Variants in UBE2D2 observed in about 807,000 individuals in gnomAD.
UBE2D2 encodes ubiquitin-conjugating enzyme E2 D2.
A neutral mutation model predicts 24.2 loss-of-function variants in UBE2D2; 2 were observed. That is an observed-to-expected ratio of 0.08 (90% CI 0.03 to 0.26). The LOEUF is 0.26. Ranked by LOEUF, UBE2D2 falls within the 10% of genes least tolerant of loss-of-function variation. The pLI, the probability that UBE2D2 is intolerant of heterozygous loss-of-function variation, is 1.00. For synonymous variants in UBE2D2, 58 were observed against 56.5 expected (o/e 1.03, Z -0.12); for missense variants, 44 against 177.6 (o/e 0.25, Z 4.28).
intron 1 of UBE2D2, 129 bp downstream of exon 1, chr5:139,561,944 C>CAG: frequency 7.9e-7 from 1 of 1,264,558 alleles, no homozygotes; most frequent in Non-Finnish European, 1.0e-6. Context: ...CTCGGGGCGG[C>CAG]CTCCATACCC....
At chr5:139,553,751 T>G (rs745987663) in intron 1 of UBE2D2, among the ~76,000 whole-genome samples, 10 of 152,168 alleles carry the variant, frequency 6.6e-5, no homozygotes, top group Non-Finnish European at 1.3e-4. Context: ...CAATAAATCT[T>G]TAATGTTTGG....
chr5:139,532,658 T>C (rs1168747036), intron 1 of UBE2D2, among the ~76,000 whole-genome samples: 1 of 151,876 alleles, frequency 6.6e-6, no homozygotes, highest in African/African-American at 2.4e-5. Context: ...GCCTAGTTTT[T>C]GTATATCTAG....
At chr5:139,533,391 C>T (rs1249329710) in intron 1 of UBE2D2, among the ~76,000 whole-genome samples, 2 of 152,162 alleles carry the variant, frequency 1.3e-5, no homozygotes, top group African/African-American at 4.8e-5. Flanking sequence ...TGGCTCACGC[C>T]TGTAATCCCC....
At chr5:139,591,694 T>A (rs1753849492) in intron 1 of UBE2D2, among the ~76,000 whole-genome samples, 1 of 152,212 alleles carries the variant, frequency 6.6e-6, no homozygotes, top group Non-Finnish European at 1.5e-5. Flanking sequence ...TCATGTAAGT[T>A]AATGAGTTAC....
intron 1 of UBE2D2, among the ~76,000 whole-genome samples, chr5:139,597,542 A>G (rs1753985569): frequency 6.6e-6 from 1 of 152,240 alleles, no homozygotes. Context: ...GATGTTATTC[A>G]GCATGGAAAA....
chr5:139,576,198 A>C (rs1459811770), intron 1 of UBE2D2, among the ~76,000 whole-genome samples: 1 of 152,168 alleles, frequency 6.6e-6, no homozygotes, highest in Non-Finnish European at 1.5e-5. Flanking sequence ...AATTACCACA[A>C]ACCGGGTGGC....
In UBE2D2 at chr5:139,562,235, C is replaced by A. The variant is rs758633629; in HGVS notation, c.24+420C>A. On this transcript the variant is annotated intron_variant, in intron 1 of 6. Transcript: ENST00000398733. ...CCATTTCTGTTCCCTCCTCCCACAC[C>A]TGCCCTAGCTCCCTCCACAAAACCG... The A allele has an allele frequency of 8.0e-6, 11 of 1,367,502 alleles. No homozygotes were observed. The South Asian group carries it at 1.3e-4, about 16-fold the overall frequency. The allele number at this position is 1,367,502 out of a possible 1,614,324, so 84.7% of individuals were successfully genotyped here.
At chr5:139,552,498 T>A (rs1002098615) in intron 1 of UBE2D2, among the ~76,000 whole-genome samples, 1 of 141,600 alleles carries the variant, frequency 7.1e-6, no homozygotes, top group African/African-American at 2.9e-5. Context: ...TTTGTTTCTT[T>A]TTTCTTTTTT....
At chr5:139,613,120 C>A (rs1754358099) in intron 2 of UBE2D2, among the ~76,000 whole-genome samples, 1 of 152,172 alleles carries the variant, frequency 6.6e-6, no homozygotes, top group African/African-American at 2.4e-5. Context: ...CAATTCCTAT[C>A]CTTTACCTTT....
chr5:139,544,965 G>A (rs1752806653), intron 1 of UBE2D2, among the ~76,000 whole-genome samples: 1 of 151,896 alleles, frequency 6.6e-6, no homozygotes, highest in African/African-American at 2.4e-5. Context: ...ACTTTTAGTA[G>A]AGATGGGGTT....
Position 139,606,948 on chromosome 5 carries a change from G to A in UBE2D2, c.88+6513G>A, listed in dbSNP as rs949798415. Among the ~76,000 whole-genome samples the A allele has an allele frequency of 5.3e-5, 8 of 152,130 alleles. 1 individual carries two copies. The highest frequency in any genetic ancestry group is 8.8e-5 in the Non-Finnish European group (6 of 68,032). On this transcript the variant is annotated intron_variant, in intron 2 of 6. Transcript: ENST00000398733. ...GCCTCCCAAGTAGCTGGGATTACGGGTGCCTGCCACCACGCCCAGCTAATT... is the reference window on the plus strand; with the variant it reads ...GCCTCCCAAGTAGCTGGGATTACGGATGCCTGCCACCACGCCCAGCTAATT...
rs74982697 is a variant in UBE2D2, at chr5:139,576,894, T to G, written c.24+15079T>G. 7.6e-3 allele frequency among the ~76,000 whole-genome samples: 1,154 copies of G among 151,454 alleles called. 23 individuals are homozygous for G. Among genetic ancestry groups the G allele is most frequent in the African/African-American group, 0.025 (1,011 of 41,174 alleles). On this transcript the variant is annotated intron_variant, in intron 1 of 6. Coordinates refer to ENST00000398733, the MANE Select transcript of UBE2D2 (RefSeq NM_003339.3). ...CAAAAATCTCTGTCAGTTGGTGTTT[T>G]GAATAATTGTTCTGAAATATACTCC...
At chr5:139,529,138 T>C (rs1307993834) in intron 1 of UBE2D2, among the ~76,000 whole-genome samples, 1 of 152,178 alleles carries the variant, frequency 6.6e-6, no homozygotes, top group African/African-American at 2.4e-5. Flanking sequence ...TTTATAGTTA[T>C]TATGAATGCC....
intron 1 of UBE2D2, among the ~76,000 whole-genome samples, chr5:139,593,570 G>T (rs994635639): frequency 2.0e-5 from 3 of 151,898 alleles, no homozygotes; most frequent in African/African-American, 7.3e-5. Context: ...AGGTATTGAT[G>T]TATGTAATAA....
intron 5 of UBE2D2, among the ~76,000 whole-genome samples, chr5:139,616,374 A>G (rs1393083130): frequency 6.6e-6 from 1 of 152,056 alleles, no homozygotes; most frequent in Admixed American, 6.6e-5. Flanking sequence ...CTGTACTCTG[A>G]AAGGTGATAA....
At chr5:139,570,658 C>T (rs1395235030) in intron 1 of UBE2D2, among the ~76,000 whole-genome samples, 2 of 152,114 alleles carry the variant, frequency 1.3e-5, no homozygotes, top group African/African-American at 2.4e-5. Flanking sequence ...ACTACAGGCG[C>T]GTGCCATGAT....
chr5:139,529,554 CA>C (rs1752577373), intron 1 of UBE2D2, among the ~76,000 whole-genome samples: 1 of 152,020 alleles, frequency 6.6e-6, no homozygotes, highest in South Asian at 2.1e-4. Context: ...TGTTTGGCTC[CA>C]AAAATGAAAA....
At chr5:139,576,871 A>G (rs1227604943) in intron 1 of UBE2D2, among the ~76,000 whole-genome samples, 1 of 151,792 alleles carries the variant, frequency 6.6e-6, no homozygotes, top group African/African-American at 2.4e-5. Flanking sequence ...GGGAGCCACA[A>G]AAATCTCTGT....
intron 1 of UBE2D2, among the ~76,000 whole-genome samples, chr5:139,542,704 A>G (rs1345762903): frequency 6.6e-6 from 1 of 152,184 alleles, no homozygotes; most frequent in Non-Finnish European, 1.5e-5. Flanking sequence ...GCCAAAAGGT[A>G]GAAGTAACCC....
Sources: allele counts gnomAD v4.1 joint callset (sites outside exome capture counted in the v4.1 genomes callset), GRCh38; gene constraint gnomAD v4.1.1; transcripts MANE v1.5; gene names NCBI Gene and HGNC (gene_info 2026-07-23, HGNC 2026-07-21).